Variants in THSD7A observed in about 807,000 individuals in gnomAD.
THSD7A encodes the protein thrombospondin type 1 domain containing 7A, also known as thrombospondin type-1 domain-containing protein 7A.
In THSD7A, 96 loss-of-function variants were observed where a neutral mutation model predicts 231.3. That is an observed-to-expected ratio of 0.41 (90% CI 0.35 to 0.49). The LOEUF is 0.49. Among genes scored for constraint, THSD7A ranks in the 20% least tolerant of loss-of-function variants. The probability of loss-of-function intolerance (pLI) is 0.05; values close to 1 mark genes in which losing one functional copy is unlikely to be tolerated. For missense variants in THSD7A, 2,290 were observed against 2,070.2 expected (o/e 1.11, Z -2.06); for synonymous variants, 940 against 743.3 (o/e 1.26, Z -4.30).
At chr7:11,592,855 C>T (rs374913788) in intron 3 of THSD7A, among the ~76,000 whole-genome samples, 1 of 152,088 alleles carries the variant, frequency 6.6e-6, no homozygotes, top group African/African-American at 2.4e-5. Context: ...TATCAACCTG[C>T]CACCTTTTTT....
chr7:11,445,785 C>T (rs1437506180), intron 13 of THSD7A, among the ~76,000 whole-genome samples: 1 of 151,916 alleles, frequency 6.6e-6, no homozygotes, highest in Non-Finnish European at 1.5e-5. Flanking sequence ...TCTGGGGGAC[C>T]GTTCTGGCAC....
At chr7:11,523,473 A>C (rs1175309515) in intron 6 of THSD7A, among the ~76,000 whole-genome samples, 1 of 152,088 alleles carries the variant, frequency 6.6e-6, no homozygotes, top group African/African-American at 2.4e-5. Context: ...CTGGATGGAG[A>C]GATTATGTGT....
At chr7:11,727,142 A>G (rs1781575823) in intron 1 of THSD7A, among the ~76,000 whole-genome samples, 1 of 152,000 alleles carries the variant, frequency 6.6e-6, no homozygotes, top group Non-Finnish European at 1.5e-5. Flanking sequence ...GTCACGGAGA[A>G]GAATATTCTT....
At position 11,465,468 on chromosome 7, in the gene THSD7A, GT is replaced by G. The variant is rs151096484; in HGVS notation, c.2369-3326del. On this transcript the variant is annotated intron_variant, in intron 9 of 27. Transcript: ENST00000423059. Reference sequence around the variant, plus strand: ...TGGGGTACACAGATTCAGAAGATATGTAATCTCTCACACAGTTATAGCATTT... The same window carrying G: ...TGGGGTACACAGATTCAGAAGATATGAATCTCTCACACAGTTATAGCATTT... Among the ~76,000 whole-genome samples, 747 of 152,164 alleles carry G rather than the reference GT, an allele frequency of 4.9e-3. 3 individuals are homozygous for G. The highest frequency in any genetic ancestry group is 8.5e-3 in the Non-Finnish European group (579 of 67,994).
chr7:11,415,992 G>A (rs113687863), intron 17 of THSD7A, among the ~76,000 whole-genome samples: 4 of 152,254 alleles, frequency 2.6e-5, no homozygotes, highest in Middle Eastern at 3.4e-3. Flanking sequence ...TCTGGTTTGC[G>A]AGGCTGCCCG....
At chr7:11,451,036 G>A (rs1785126279) in intron 11 of THSD7A, among the ~76,000 whole-genome samples, 1 of 152,016 alleles carries the variant, frequency 6.6e-6, no homozygotes, top group Admixed American at 6.6e-5. Flanking sequence ...CTGGCAGACT[G>A]AAAGCACGGG....
At chr7:11,392,654 A>G (rs1199074399) in intron 23 of THSD7A, among the ~76,000 whole-genome samples, 1 of 152,198 alleles carries the variant, frequency 6.6e-6, no homozygotes, top group Non-Finnish European at 1.5e-5. Flanking sequence ...CACTGCCAGC[A>G]CAGCAGTCTG....
intron 26 of THSD7A, 145 bp downstream of exon 26, chr7:11,378,925 A>G: frequency 1.4e-6 from 1 of 693,704 alleles, no homozygotes; most frequent in Non-Finnish European, 2.4e-6. Context: ...AAAAAATTGA[A>G]GAATAGATGG....
chr7:11,758,814 C>A (rs770072053), intron 1 of THSD7A, among the ~76,000 whole-genome samples: 2 of 151,990 alleles, frequency 1.3e-5, no homozygotes, highest in Non-Finnish European at 2.9e-5. Context: ...GCTCTGTGAG[C>A]CACATGGCCT....
chr7:11,782,290 C>T (rs915591765), intron 1 of THSD7A, among the ~76,000 whole-genome samples: 3 of 152,060 alleles, frequency 2.0e-5, no homozygotes, highest in African/African-American at 7.2e-5. Context: ...AATAATCTGA[C>T]AGATTGTCAC....
chr7:11,763,905 T>C (rs750891773), intron 1 of THSD7A, among the ~76,000 whole-genome samples: 4 of 152,180 alleles, frequency 2.6e-5, no homozygotes, highest in African/African-American at 4.8e-5. Flanking sequence ...GTAGTTAAAG[T>C]AAGACTATGA....
intron 1 of THSD7A, among the ~76,000 whole-genome samples, chr7:11,657,423 A>AACAGGGAC (rs567005255): frequency 1.4e-3 from 212 of 151,840 alleles, no homozygotes; most frequent in African/African-American, 4.2e-3. Flanking sequence ...ATGGGAAAGA[A>AACAGGGAC]ACAGGGACCC....
At chr7:11,764,405 C>G (rs1012451162) in intron 1 of THSD7A, among the ~76,000 whole-genome samples, 15 of 151,948 alleles carry the variant, frequency 9.9e-5, no homozygotes, top group African/African-American at 3.6e-4. Context: ...CACGGTGAAA[C>G]CCCGTCTCTA....
At chr7:11,717,673 G>C (rs116568955) in intron 1 of THSD7A, among the ~76,000 whole-genome samples, 1,545 of 151,680 alleles carry the variant, frequency 0.01, 22 homozygotes, top group African/African-American at 0.035. Context: ...GTATGAGGGA[G>C]CCCATTTTGC....
intron 4 of THSD7A, among the ~76,000 whole-genome samples, chr7:11,553,854 TA>T (rs1306636271): frequency 6.6e-6 from 1 of 151,914 alleles, no homozygotes; most frequent in Non-Finnish European, 1.5e-5. Context: ...TGGAAAAAAA[TA>T]AAAATAATCT....
At chr7:11,484,933 C>T in intron 6 of THSD7A, among the ~76,000 whole-genome samples, 1 of 119,980 alleles carries the variant, frequency 8.3e-6, no homozygotes, top group Non-Finnish European at 1.6e-5. Context: ...CTCTGTTGCC[C>T]AGGCTGCAAC....
intron 5 of THSD7A, among the ~76,000 whole-genome samples, chr7:11,542,027 G>A (rs1310504005): frequency 6.6e-6 from 1 of 152,168 alleles, no homozygotes; most frequent in Non-Finnish European, 1.5e-5. Flanking sequence ...AAGCTATTTA[G>A]AAATACCGAT....
At chr7:11,602,652 G>C (rs1260860370) in intron 2 of THSD7A, among the ~76,000 whole-genome samples, 1 of 151,948 alleles carries the variant, frequency 6.6e-6, no homozygotes, top group Non-Finnish European at 1.5e-5. Flanking sequence ...TGGGTGAGCA[G>C]TGAAAATAAG....
chr7:11,663,091 A>G (rs1371556958), intron 1 of THSD7A, among the ~76,000 whole-genome samples: 1 of 151,302 alleles, frequency 6.6e-6, no homozygotes. Context: ...TGGAAATCAA[A>G]TATACAACAA....
Sources: allele counts gnomAD v4.1 joint callset (sites outside exome capture counted in the v4.1 genomes callset), GRCh38; gene constraint gnomAD v4.1.1; transcripts MANE v1.5; gene names NCBI Gene and HGNC (gene_info 2026-07-23, HGNC 2026-07-21).